The following SORCS2 variants were observed in gnomAD, a reference collection of about 807,000 sequenced individuals.
SORCS2 encodes VPS10 domain-containing receptor SorCS2.
Under a neutral mutation model 141.6 loss-of-function variants are expected in SORCS2, and 100 were observed. The ratio of observed to expected loss-of-function variants is 0.71; its 90% confidence interval spans 0.60 to 0.83. SORCS2 has a LOEUF of 0.83. Ranked by LOEUF, SORCS2 falls within the 40% of genes least tolerant of loss-of-function variation. The pLI is 0.00. For synonymous variants in SORCS2, 789 were observed against 676.9 expected (o/e 1.17, Z -2.57); for missense variants, 1,646 against 1,560.2 (o/e 1.05, Z -0.93).
chr4:7,472,277 C>A (rs1217127553), intron 2 of SORCS2, among the ~76,000 whole-genome samples: 1 of 152,184 alleles, frequency 6.6e-6, no homozygotes, highest in African/African-American at 2.4e-5. Flanking sequence ...GCACTTTCCC[C>A]ACCTGCTGGG....
chr4:7,572,395 C>T (rs1715462988), intron 3 of SORCS2, among the ~76,000 whole-genome samples: 1 of 148,850 alleles, frequency 6.7e-6, no homozygotes, highest in African/African-American at 2.6e-5. Flanking sequence ...ATCATTTAAT[C>T]ATTTACGTTT....
At chr4:7,365,693 G>A (rs1223077621) in intron 1 of SORCS2, among the ~76,000 whole-genome samples, 4 of 152,158 alleles carry the variant, frequency 2.6e-5, no homozygotes, top group Admixed American at 6.5e-5. Context: ...GCACCCCGGC[G>A]TGCAGGCTTT....
intron 1 of SORCS2, among the ~76,000 whole-genome samples, chr4:7,300,535 C>T (rs1042844400): frequency 3.9e-5 from 6 of 152,204 alleles, no homozygotes; most frequent in Non-Finnish European, 7.3e-5. Flanking sequence ...CCCGCCACCA[C>T]GGCACTATTG....
chr4:7,553,925 G>C (rs989624895), intron 3 of SORCS2, among the ~76,000 whole-genome samples: 2 of 152,152 alleles, frequency 1.3e-5, no homozygotes, highest in African/African-American at 4.8e-5. Flanking sequence ...GGAATATTTT[G>C]AGAAATCCCA....
At chr4:7,374,129 C>CTCTTTCTTTCTTTCTTTCTTTCTT (rs1162945229) in intron 1 of SORCS2, among the ~76,000 whole-genome samples, 37 of 51,850 alleles carry the variant, frequency 7.1e-4, no homozygotes, top group East Asian at 2.3e-3. Context: ...CTTTCTTTCC[C>CTCTTTCTTTCTTTCTTTCTTTCTT]TCTTTCTTTC....
intron 1 of SORCS2, among the ~76,000 whole-genome samples, chr4:7,369,544 G>C (rs1722118605): frequency 6.6e-6 from 1 of 152,170 alleles, no homozygotes; most frequent in South Asian, 2.1e-4. Context: ...GGCTTGACTT[G>C]GGGGCGTGTC....
intron 1 of SORCS2, among the ~76,000 whole-genome samples, chr4:7,364,513 C>T (rs1480672761): frequency 1.3e-5 from 2 of 152,116 alleles, no homozygotes; most frequent in Non-Finnish European, 2.9e-5. Flanking sequence ...ATGGGGTGTA[C>T]TCCTGAAGGA....
Position 7,664,886 on chromosome 4 carries a change from T to A in SORCS2, c.1071+415T>A, listed in dbSNP as rs1722405619. The stretch of plus-strand genomic sequence containing the variant: ...GCTGCCTGTGCCCTCAGGTCACAAG[T>A]GGGCCCACCCTCAGCAGCCATGTGG... On this transcript the variant is annotated intron_variant, in intron 7 of 26. Transcript: ENST00000507866. The surrounding 1 kb of genome is among the most constrained non-coding windows in gnomAD (Gnocchi z 4.7). 6.6e-6 allele frequency among the ~76,000 whole-genome samples: 1 copy of A among 152,208 alleles called. No homozygotes were observed.
At chr4:7,626,794 C>T (rs913889756) in intron 3 of SORCS2, among the ~76,000 whole-genome samples, 1 of 151,960 alleles carries the variant, frequency 6.6e-6, no homozygotes, top group South Asian at 2.1e-4. Flanking sequence ...TCATCCTGTC[C>T]CGTCTTGTCC....
At chr4:7,249,229 G>A (rs1713321961) in intron 1 of SORCS2, among the ~76,000 whole-genome samples, 1 of 152,166 alleles carries the variant, frequency 6.6e-6, no homozygotes, top group African/African-American at 2.4e-5. Flanking sequence ...TTTCTTCACT[G>A]ACATTTTAAG....
chr4:7,194,977 C>G (rs1727083733), intron 1 of SORCS2, among the ~76,000 whole-genome samples: 2 of 152,066 alleles, frequency 1.3e-5, no homozygotes, highest in African/African-American at 4.8e-5. Context: ...CAGCCTGCCC[C>G]TGTCCTGACC....
chr4:7,387,916 A>G (rs1260478366), intron 1 of SORCS2, among the ~76,000 whole-genome samples: 1 of 151,798 alleles, frequency 6.6e-6, no homozygotes, highest in Non-Finnish European at 1.5e-5. Flanking sequence ...ACACACATGC[A>G]CACACCCACA....
chr4:7,447,902 C>T (rs1728100992), intron 2 of SORCS2, among the ~76,000 whole-genome samples: 1 of 152,166 alleles, frequency 6.6e-6, no homozygotes, highest in Admixed American at 6.5e-5. Flanking sequence ...GGTGTTTCTC[C>T]CCTCCCTCCG....
intron 10 of SORCS2, among the ~76,000 whole-genome samples, chr4:7,683,692 G>C (rs865920605): frequency 6.6e-6 from 1 of 152,208 alleles, no homozygotes; most frequent in South Asian, 2.1e-4. Flanking sequence ...GCCATGGAGG[G>C]CAGTGTACCA....
intron 2 of SORCS2, among the ~76,000 whole-genome samples, chr4:7,443,558 C>T (rs1369662830): frequency 6.6e-6 from 1 of 152,156 alleles, no homozygotes; most frequent in Non-Finnish European, 1.5e-5. Flanking sequence ...CCACAGTGGC[C>T]CCAACTCCAG....
intron 1 of SORCS2, among the ~76,000 whole-genome samples, chr4:7,213,352 C>T (rs1038528796): frequency 3.9e-5 from 6 of 152,040 alleles, no homozygotes; most frequent in Non-Finnish European, 5.9e-5. Flanking sequence ...AGAGCTGGGA[C>T]CTTTGTGTCC....
intron 1 of SORCS2, among the ~76,000 whole-genome samples, chr4:7,327,146 C>T (rs28684075): frequency 0.19 from 29,484 of 152,174 alleles, 3,742 homozygotes; most frequent in East Asian, 0.36. Flanking sequence ...GCCGCCGCAA[C>T]GTTCCACCGA....
chr4:7,639,007 C>T (rs115035682), intron 4 of SORCS2, among the ~76,000 whole-genome samples: 3,331 of 152,248 alleles, frequency 0.022, 46 homozygotes, highest in Non-Finnish European at 0.033. Context: ...CTTTGTCCCC[C>T]GGTGAGTGGG....
rs184134380 is a variant in SORCS2 at position 7,233,637 on chromosome 4, G to A, written c.480+40511G>A. ...GAGTGCAGCGCTTCTCAGGTGGGAC[G>A]TTCTAAGGTCCCCAGGTAATACTGG... On this transcript the variant is annotated intron_variant, in intron 1 of 26. Coordinates refer to ENST00000507866, the MANE Select transcript of SORCS2 (RefSeq NM_020777.3). This position sits in a 1 kb window ranked among gnomAD's most constrained non-coding sequence, Gnocchi z 4.5. Among the ~76,000 whole-genome samples, 8 of 152,274 alleles carry A rather than the reference G, an allele frequency of 5.3e-5. No homozygotes were observed. The East Asian group carries it at 7.7e-4, about 15-fold the overall frequency.
Sources: allele counts gnomAD v4.1 joint callset (sites outside exome capture counted in the v4.1 genomes callset), GRCh38; gene constraint gnomAD v4.1.1; non-coding constraint Gnocchi (gnomAD v3.1); transcripts MANE v1.5; gene names NCBI Gene and HGNC (gene_info 2026-07-23, HGNC 2026-07-21).